Variants in CCDC171 observed in about 807,000 individuals in gnomAD.
CCDC171 encodes coiled-coil domain-containing protein 171.
A neutral mutation model predicts 168.2 loss-of-function variants in CCDC171; 177 were observed. The ratio of observed to expected loss-of-function variants is 1.05; its 90% CI spans 0.93 to 1.19. The LOEUF (loss-of-function observed/expected upper bound fraction) is 1.19. CCDC171 is among the 50% of genes most tolerant of loss of function. The probability of loss-of-function intolerance (pLI) is 0.00; values close to 1 mark genes in which losing one functional copy is unlikely to be tolerated. For synonymous variants in CCDC171, 687 were observed against 540.8 expected (o/e 1.27, Z -3.75); for missense variants, 1,991 against 1,539.0 (o/e 1.29, Z -4.91).
At chr9:15,647,217 CA>C (rs1424775371) in intron 7 of CCDC171, among the ~76,000 whole-genome samples, 1 of 152,000 alleles carries the variant, frequency 6.6e-6, no homozygotes, top group Non-Finnish European at 1.5e-5. Context: ...AACAAAGACA[CA>C]ACATACCAGA....
At chr9:15,654,537 A>T (rs538404948) in intron 7 of CCDC171, among the ~76,000 whole-genome samples, 1 of 152,228 alleles carries the variant, frequency 6.6e-6, no homozygotes, top group East Asian at 1.9e-4. Context: ...TTTGTGGATT[A>T]TTCAGTTTTT....
intron 23 of CCDC171, among the ~76,000 whole-genome samples, chr9:15,859,947 A>G (rs1463632595): frequency 6.6e-6 from 1 of 151,668 alleles, no homozygotes; most frequent in East Asian, 1.9e-4. Flanking sequence ...GATTATAGGT[A>G]TAAGCCACCA....
intron 7 of CCDC171, among the ~76,000 whole-genome samples, chr9:15,641,245 A>G (rs1011386262): frequency 6.6e-6 from 1 of 152,166 alleles, no homozygotes; most frequent in African/African-American, 2.4e-5. Context: ...CTAACATACA[A>G]CACACTCCTG....
chr9:15,697,253 T>C (rs2051286696), intron 11 of CCDC171, among the ~76,000 whole-genome samples: 1 of 152,230 alleles, frequency 6.6e-6, no homozygotes, highest in South Asian at 2.1e-4. Flanking sequence ...CCCTCTTTCA[T>C]GGCTGTGGCT....
chr9:15,982,487 A>G (rs947369130), intron 3 of CCDC171, among the ~76,000 whole-genome samples: 1 of 152,166 alleles, frequency 6.6e-6, no homozygotes. Flanking sequence ...TAGTTTGATG[A>G]TGAGGCACCA....
chr9:15,608,245 C>T (rs952354864), intron 6 of CCDC171, among the ~76,000 whole-genome samples: 1 of 152,206 alleles, frequency 6.6e-6, no homozygotes, highest in Non-Finnish European at 1.5e-5. Context: ...TGGGGGATTA[C>T]ATTTCAACAT....
intron 3 of CCDC171, among the ~76,000 whole-genome samples, chr9:15,990,904 A>T (rs893317453): frequency 3.3e-5 from 5 of 152,262 alleles, no homozygotes; most frequent in Non-Finnish European, 7.3e-5. Flanking sequence ...CACCCAATAC[A>T]GGAGCACCCA....
At chr9:16,041,744 A>G (rs1833576049), upstream of CCDC171, among the ~76,000 whole-genome samples, 3 of 152,240 alleles carry the variant, frequency 2.0e-5, no homozygotes, top group Non-Finnish European at 4.4e-5. Flanking sequence ...AGAGTTTAAT[A>G]TTGAATATAG....
chr9:15,865,621 A>G (rs1348188406), intron 23 of CCDC171, among the ~76,000 whole-genome samples: 1 of 151,888 alleles, frequency 6.6e-6, no homozygotes, highest in East Asian at 1.9e-4. Context: ...CTTCCTTACG[A>G]TTTTCTTAAT....
rs562962433 is a variant in CCDC171 at position 15,769,391 on chromosome 9, AG to A, written c.2672-8206del. ...AGGGGTTCATAGACCTCTTCTCAAAAGGGTCCATGGGTAGAATTCAGCAGAG... is the reference window on the plus strand; with the variant it reads ...AGGGGTTCATAGACCTCTTCTCAAAAGGTCCATGGGTAGAATTCAGCAGAG... On this transcript the variant is annotated intron_variant, in intron 18 of 25. Coordinates refer to ENST00000380701, the MANE Select transcript of CCDC171 (RefSeq NM_173550.4). Among the ~76,000 whole-genome samples the A allele has an allele frequency of 3.3e-3, 504 of 152,284 alleles. 3 individuals are homozygous for A. Among genetic ancestry groups the A allele is most frequent in the African/African-American group, 0.012 (487 of 41,560 alleles).
At chr9:15,654,236 T>G (rs1376503098) in intron 7 of CCDC171, among the ~76,000 whole-genome samples, 1 of 152,110 alleles carries the variant, frequency 6.6e-6, no homozygotes, top group South Asian at 2.1e-4. Flanking sequence ...TCTAGTATAA[T>G]AGCTCATTAA....
the CCDC171 span, among the ~76,000 whole-genome samples, chr9:16,067,288 C>T: frequency 5.3e-5 from 8 of 151,794 alleles, no homozygotes; most frequent in Non-Finnish European, 1.2e-4. Context: ...TCATGTCCTC[C>T]GCCCACTTTT....
chr9:15,891,547 G>T (rs1452125652), intron 24 of CCDC171, among the ~76,000 whole-genome samples: 1 of 152,128 alleles, frequency 6.6e-6, no homozygotes, highest in Admixed American at 6.6e-5. Context: ...TGCAAAAAGT[G>T]TAAATCAGAA....
At chr9:15,974,677 T>C (rs940382354), downstream of CCDC171, among the ~76,000 whole-genome samples, 4 of 152,146 alleles carry the variant, frequency 2.6e-5, no homozygotes, top group East Asian at 1.9e-4. Context: ...AGGTTTAGGA[T>C]TGCAAAAATT....
chr9:15,752,039 C>A (rs2055781242), intron 18 of CCDC171, among the ~76,000 whole-genome samples: 1 of 152,028 alleles, frequency 6.6e-6, no homozygotes, highest in Non-Finnish European at 1.5e-5. Context: ...CCAGAATCTA[C>A]AAAGAACTTA....
chr9:15,666,923 G>T (rs2048775147), intron 9 of CCDC171, among the ~76,000 whole-genome samples: 1 of 152,116 alleles, frequency 6.6e-6, no homozygotes, highest in African/African-American at 2.4e-5. Context: ...ATGCATTGTG[G>T]CTCACTTCAT....
At chr9:15,661,279 CA>C (rs750397432) in intron 8 of CCDC171, among the ~76,000 whole-genome samples, 7 of 23,054 alleles carry the variant, frequency 3.0e-4, no homozygotes, top group African/African-American at 8.0e-4. Context: ...GACTCCGTCT[CA>C]AAAAAAAAAA....
chr9:15,946,551 C>T (rs575621730), intron 25 of CCDC171, among the ~76,000 whole-genome samples: 1 of 152,130 alleles, frequency 6.6e-6, no homozygotes, highest in South Asian at 2.1e-4. Context: ...ACATTCCATG[C>T]TCATGGGTAG....
intron 21 of CCDC171, among the ~76,000 whole-genome samples, chr9:15,820,453 TGAA>T (rs2059724251): frequency 8.9e-6 from 1 of 112,674 alleles, no homozygotes; most frequent in African/African-American, 3.4e-5. Context: ...GCAAGACTAA[TGAA>T]GAAAAGAGAG....
Sources: gnomAD v4.1 joint callset for allele counts (sites outside exome capture counted in the v4.1 genomes callset) on GRCh38, gnomAD v4.1.1 for gene constraint, MANE v1.5 for transcripts, NCBI Gene and HGNC (gene_info 2026-07-23, HGNC 2026-07-21) for gene names.